The following RSU1 variants were observed in gnomAD, a reference collection of about 807,000 sequenced individuals.
The protein encoded by RSU1 is rsu-1.
Under a neutral mutation model 31.1 loss-of-function variants are expected in RSU1, and 26 were observed. The observed-to-expected ratio is 0.84, with a 90% CI of 0.61 to 1.16. The LOEUF (loss-of-function observed/expected upper bound fraction) is 1.16, where lower values mean the gene tolerates loss of function less well. RSU1 is among the 50% of genes most tolerant of loss of function. The probability of loss-of-function intolerance (pLI) is 0.00; values close to 1 mark genes in which losing one functional copy is unlikely to be tolerated. For missense variants in RSU1, 320 were observed against 339.1 expected (o/e 0.94, Z 0.44); for synonymous variants, 164 against 136.3 (o/e 1.20, Z -1.41).
intron 2 of RSU1, among the ~76,000 whole-genome samples, chr10:16,787,920 A>G (rs977263413): frequency 9.2e-5 from 14 of 152,250 alleles, no homozygotes; most frequent in Admixed American, 6.5e-4. Context: ...TAAGGGGAAG[A>G]AGAAAAGCAT....
intron 3 of RSU1, among the ~76,000 whole-genome samples, chr10:16,770,454 T>C (rs900889588): frequency 2.0e-4 from 30 of 152,070 alleles, no homozygotes; most frequent in Non-Finnish European, 5.9e-5. Flanking sequence ...GCGCTTTCCC[T>C]CCGCAGCACA....
At chr10:16,660,032 G>GA in intron 8 of RSU1, among the ~76,000 whole-genome samples, 1 of 152,268 alleles carries the variant, frequency 6.6e-6, no homozygotes, top group East Asian at 1.9e-4. Flanking sequence ...CATCAGTTCA[G>GA]AAAAAACTAT....
intron 4 of RSU1, among the ~76,000 whole-genome samples, chr10:16,759,444 T>TTGCTCCGCTCAC (rs1837162781): frequency 6.6e-6 from 1 of 152,170 alleles, no homozygotes; most frequent in Non-Finnish European, 1.5e-5. Context: ...GAGGCATAGG[T>TTGCTCCGCTCAC]TGCAGTGAGC....
At chr10:16,806,532 G>C (rs1358404735) in intron 2 of RSU1, among the ~76,000 whole-genome samples, 1 of 152,158 alleles carries the variant, frequency 6.6e-6, no homozygotes, top group African/African-American at 2.4e-5. Flanking sequence ...AGGTTTGAAA[G>C]ATTAATCCAT....
At chr10:16,658,519 T>C (rs1834830298) in intron 8 of RSU1, among the ~76,000 whole-genome samples, 1 of 151,926 alleles carries the variant, frequency 6.6e-6, no homozygotes. Context: ...AGATCAGGAG[T>C]TCGAGACCAG....
At chr10:16,672,724 T>G (rs1204261581) in intron 8 of RSU1, among the ~76,000 whole-genome samples, 1 of 151,654 alleles carries the variant, frequency 6.6e-6, no homozygotes, top group East Asian at 1.9e-4. Flanking sequence ...ATGGGGGAAA[T>G]GAAGGGAGAG....
intron 8 of RSU1, among the ~76,000 whole-genome samples, chr10:16,644,435 T>TG (rs1223895210): frequency 6.6e-6 from 1 of 152,244 alleles, no homozygotes; most frequent in East Asian, 1.9e-4. Context: ...GCCAGATACC[T>TG]GGCTGTGTGT....
At position 16,593,397 on chromosome 10, in the gene RSU1, T is replaced by A. The variant is rs1833546135; in HGVS notation, c.831A>T (p.Arg277Ser). Residue 277 changes from arginine to serine, a missense_variant, in exon 9 of 9, where the codon AGA becomes AGT. Arg to Ser is a moderately radical substitution (Grantham distance 110). Coordinates refer to ENST00000345264, the MANE Select transcript of RSU1 (RefSeq NM_012425.4). Reference protein sequence around the residue: ...ISRKPLAAKNR With the variant: ...ISRKPLAAKNS ...CCAGCCGATGCCAATCCCTTCCTTA[T>A]CTGTTCTTGGCTGCCAGGGGTTTCC... 1.2e-6 allele frequency: 2 copies of A among 1,614,030 alleles called. No individual in the cohort carries two copies. The highest frequency in any genetic ancestry group is 2.7e-5 in the African/African-American group (2 of 74,924).
At chr10:16,751,875 G>T (rs1836987063) in intron 7 of RSU1, among the ~76,000 whole-genome samples, 1 of 152,186 alleles carries the variant, frequency 6.6e-6, no homozygotes, top group Non-Finnish European at 1.5e-5. Flanking sequence ...GTGGAACGAA[G>T]CAGTAACAGA....
At chr10:16,697,681 G>GA (rs903235303) in intron 7 of RSU1, among the ~76,000 whole-genome samples, 8 of 150,058 alleles carry the variant, frequency 5.3e-5, no homozygotes, top group South Asian at 4.3e-4. Context: ...AAAAGAAAAA[G>GA]AAAAAATATG....
At chr10:16,799,271 C>T (rs1016823339) in intron 2 of RSU1, among the ~76,000 whole-genome samples, 3 of 152,182 alleles carry the variant, frequency 2.0e-5, no homozygotes, top group Admixed American at 6.5e-5. Flanking sequence ...CACTACCATA[C>T]TCACAGTAAG....
At chr10:16,810,186 G>A (rs11254213) in intron 2 of RSU1, among the ~76,000 whole-genome samples, 31,264 of 151,968 alleles carry the variant, frequency 0.21, 3,758 homozygotes, top group African/African-American at 0.33. Context: ...AGCCAAGATC[G>A]CGCCACTGCA....
chr10:16,748,368 C>G (rs1340999771), intron 7 of RSU1: 3 of 149,612 alleles, frequency 2.0e-5, no homozygotes, highest in Non-Finnish European at 2.9e-5. Context: ...CTTCTGTCAC[C>G]ATGTCTTCTA....
intron 3 of RSU1, 54 bp downstream of exon 3, chr10:16,781,980 G>A (rs974991680): frequency 7.6e-6 from 11 of 1,441,914 alleles, no homozygotes; most frequent in Non-Finnish European, 2.9e-6. Context: ...ACTCAGCAGT[G>A]CCATAGGATT....
intron 2 of RSU1, among the ~76,000 whole-genome samples, chr10:16,797,478 T>G (rs1838060883): frequency 6.6e-6 from 1 of 152,170 alleles, no homozygotes; most frequent in South Asian, 2.1e-4. Context: ...TTAATTTCAT[T>G]TAAAAATGAG....
intron 2 of RSU1, among the ~76,000 whole-genome samples, chr10:16,784,539 T>C (rs74501618): frequency 0.11 from 16,206 of 152,068 alleles, 1,144 homozygotes; most frequent in East Asian, 0.23. Context: ...ACATGGGGTA[T>C]TAGCCTGTTC....
intron 8 of RSU1, among the ~76,000 whole-genome samples, chr10:16,628,607 C>T (rs1334174089): frequency 6.6e-6 from 1 of 152,162 alleles, no homozygotes; most frequent in Admixed American, 6.5e-5. Flanking sequence ...TTAATGCATG[C>T]TGTATATTTT....
At chr10:16,644,276 G>T (rs1299391456) in intron 8 of RSU1, among the ~76,000 whole-genome samples, 1 of 152,144 alleles carries the variant, frequency 6.6e-6, no homozygotes, top group African/African-American at 2.4e-5. Context: ...TATATAGGAA[G>T]TTCATGTTTT....
intron 2 of RSU1, among the ~76,000 whole-genome samples, chr10:16,783,988 TC>T (rs776475690): frequency 1.3e-5 from 2 of 152,218 alleles, no homozygotes; most frequent in Non-Finnish European, 2.9e-5. Flanking sequence ...CTTTGTCGTC[TC>T]CTCTAAGCTG....
Sources: gnomAD v4.1 joint callset for allele counts (sites outside exome capture counted in the v4.1 genomes callset) on GRCh38, gnomAD v4.1.1 for gene constraint, MANE v1.5 for transcripts, NCBI Gene and HGNC (gene_info 2026-07-23, HGNC 2026-07-21) for gene names.